Variants in EBF2 observed in about 807,000 individuals in gnomAD.
The protein encoded by EBF2 is EBF transcription factor 2, also known as transcription factor COE2.
A neutral mutation model predicts 72.8 loss-of-function variants in EBF2; 21 were observed. The observed-to-expected ratio is 0.29, with a 90% CI of 0.20 to 0.42. EBF2 has a LOEUF of 0.42. Ranked by LOEUF, EBF2 falls within the 10% of genes least tolerant of loss-of-function variation. The pLI, the probability that EBF2 is intolerant of heterozygous loss-of-function variation, is 1.00. For missense variants in EBF2, 637 were observed against 731.2 expected (o/e 0.87, Z 1.49); for synonymous variants, 299 against 274.2 (o/e 1.09, Z -0.89).
chr8:25,941,566 A>G (rs1359009945), intron 6 of EBF2, among the ~76,000 whole-genome samples: 1 of 152,136 alleles, frequency 6.6e-6, no homozygotes, highest in Non-Finnish European at 1.5e-5. Flanking sequence ...ATGGGATGAT[A>G]GTACCACAGA....
chr8:25,934,477 C>A (rs532322487), intron 6 of EBF2, among the ~76,000 whole-genome samples: 8 of 152,152 alleles, frequency 5.3e-5, no homozygotes, highest in Non-Finnish European at 7.3e-5. Context: ...CAAATTTTGT[C>A]TCTCCACCAG....
chr8:26,029,141 C>A (rs1359810427), intron 6 of EBF2, among the ~76,000 whole-genome samples: 2 of 151,976 alleles, frequency 1.3e-5, no homozygotes, highest in Admixed American at 6.6e-5. Context: ...ATTGTAAACT[C>A]CAATGGTTTT....
chr8:26,009,112 A>T (rs1480579182), intron 6 of EBF2, among the ~76,000 whole-genome samples: 1 of 3,262 alleles, frequency 3.1e-4, no homozygotes, highest in Admixed American at 5.2e-3. Context: ...AAAGCGAAAA[A>T]AAAAAAAAAA....
intron 10 of EBF2, among the ~76,000 whole-genome samples, chr8:25,885,886 C>A (rs578125436): frequency 3.3e-5 from 5 of 152,282 alleles, no homozygotes; most frequent in Non-Finnish European, 5.9e-5. Context: ...ACATGCCTAG[C>A]ACATGTAGGG....
At chr8:25,961,107 T>C (rs1804027203) in intron 6 of EBF2, among the ~76,000 whole-genome samples, 1 of 152,164 alleles carries the variant, frequency 6.6e-6, no homozygotes, top group South Asian at 2.1e-4. Context: ...ATTGCACATA[T>C]GCGTGAAAAA....
At chr8:25,956,341 G>A (rs989654099) in intron 6 of EBF2, among the ~76,000 whole-genome samples, 6 of 151,702 alleles carry the variant, frequency 4.0e-5, no homozygotes, top group African/African-American at 1.5e-4. Context: ...GGAGGTGGAG[G>A]TTGCAGTGAG....
chr8:25,947,037 A>G (rs118003143), intron 6 of EBF2, among the ~76,000 whole-genome samples: 1 of 152,272 alleles, frequency 6.6e-6, no homozygotes, highest in East Asian at 1.9e-4. Flanking sequence ...TGAATTACTG[A>G]TAATGGTCCC....
Position 25,928,782 on chromosome 8 carries a change from GAAAAA to G in EBF2, c.552-20232_552-20228del, listed in dbSNP as rs71551838. ...ATTAATAATAAAATGATTTTTAAAT[GAAAAA>G]AAAAAAAAAAAAAACCAGGGAAATG... On this transcript the variant is annotated intron_variant, in intron 6 of 15. Transcript: ENST00000520164. Among the ~76,000 whole-genome samples the G allele has an allele frequency of 2.6e-3, 282 of 110,374 alleles. 1 individual carries two copies. In the East Asian group the frequency reaches 0.027, roughly 10 times the overall value. 72.4% of individuals were successfully genotyped at this position (110,374 alleles called of 152,430 possible).
chr8:26,007,613 A>C (rs1043583100), intron 6 of EBF2, among the ~76,000 whole-genome samples: 2 of 152,170 alleles, frequency 1.3e-5, no homozygotes, highest in Non-Finnish European at 2.9e-5. Flanking sequence ...AATATGGAGA[A>C]GTCTAAAAGA....
intron 6 of EBF2, among the ~76,000 whole-genome samples, chr8:26,030,292 G>C (rs1268575344): frequency 2.6e-5 from 4 of 152,124 alleles, no homozygotes; most frequent in South Asian, 2.1e-4. Flanking sequence ...CTATGAGGGA[G>C]AACATGCAGT....
In EBF2 at chr8:25,887,981, A is replaced by G; in HGVS notation, c.752-9T>C. 2 of 1,598,876 alleles carry G rather than the reference A, an allele frequency of 1.3e-6. No individual in the cohort carries two copies. The highest frequency in any genetic ancestry group is 1.7e-6 in the Non-Finnish European group (2 of 1,173,770). ...TTTGATGCAGGGGGTAGCTAAGAAG[A>G]CAGGAAAGAAAAAGTCAGGTTTGTT... On this transcript the variant is annotated splice_polypyrimidine_tract_variant and intron_variant, in intron 8 of 15. Transcript: ENST00000520164.
At chr8:25,895,595 G>A (rs1029902094) in intron 7 of EBF2, among the ~76,000 whole-genome samples, 2 of 152,150 alleles carry the variant, frequency 1.3e-5, no homozygotes, top group African/African-American at 4.8e-5. Context: ...CAAGAAAACC[G>A]ATCGGCTTTC....
At chr8:25,981,529 A>T (rs1804360975) in intron 6 of EBF2, among the ~76,000 whole-genome samples, 1 of 152,084 alleles carries the variant, frequency 6.6e-6, no homozygotes. Context: ...GGAAGGCCCG[A>T]TGTGGTGGCT....
Position 25,850,645 on chromosome 8 carries a change from G to A in EBF2, c.1645C>T (p.Gln549Ter), listed in dbSNP as rs1474446502. 6.4e-7 allele frequency: 1 copy of A among 1,567,434 alleles called. No individual in the cohort carries two copies. The highest frequency in any genetic ancestry group is 2.1e-5 in the Admixed American group (1 of 47,370). Residue 549 changes from glutamine (Q) to a stop codon, truncating the protein, a stop_gained, in exon 15 of 16, where the codon CAA becomes TAA. Coordinates refer to ENST00000520164, the MANE Select transcript of EBF2 (RefSeq NM_022659.4). LOFTEE classifies it high-confidence loss of function. ...KSAFAPVIRP[Q>*]GSPSPACSSG... Reference sequence around the variant, plus strand: ...GAGCAGGCAGGTGAAGGGGAGCCTTGGGGCCTGATGACAGGGGCAAAGGCA... The same window carrying A: ...GAGCAGGCAGGTGAAGGGGAGCCTTAGGGCCTGATGACAGGGGCAAAGGCA...
chr8:25,845,893 T>G (rs1801822764), intron 15 of EBF2, among the ~76,000 whole-genome samples: 1 of 152,228 alleles, frequency 6.6e-6, no homozygotes, highest in Admixed American at 6.5e-5. Flanking sequence ...TGTTGCTTAC[T>G]AAGCTTCCAA....
chr8:26,009,609 C>G (rs1439217335), intron 6 of EBF2, among the ~76,000 whole-genome samples: 1 of 152,116 alleles, frequency 6.6e-6, no homozygotes, highest in Non-Finnish European at 1.5e-5. Flanking sequence ...TAAGAAATAC[C>G]GCCCGCAAAT....
rs956671233 is a variant in EBF2 at position 25,858,427 on chromosome 8, T to C, written c.1420A>G (p.Thr474Ala). ...SSTPQQSNYS[T>A]SSNSMNGYSN... ...TAGCCATTCATACTGTTGCTGGAGG[T>C]ACTGTAATTAGACTGTTGAGGCGTG... Residue 474 changes from threonine to alanine, a missense_variant, in exon 14 of 16, where the codon ACC becomes GCC. Around this residue, in one of 3 missense-constraint regions of EBF2, gnomAD observed 259 missense variants for 268.1 expected, o/e 0.97. Coordinates refer to ENST00000520164, the MANE Select transcript of EBF2 (RefSeq NM_022659.4). 1 of 1,614,068 alleles carries C rather than the reference T, an allele frequency of 6.2e-7. No homozygotes were observed. Among genetic ancestry groups the C allele is most frequent in the Non-Finnish European group, 8.5e-7 (1 of 1,180,014 alleles).
At chr8:25,866,689 TG>T (rs928250964) in intron 10 of EBF2, among the ~76,000 whole-genome samples, 19 of 147,050 alleles carry the variant, frequency 1.3e-4, no homozygotes, top group Non-Finnish European at 2.7e-4. Context: ...TGGAGTGCAA[TG>T]GCATGATCTT....
chr8:26,038,991 A>AAGAATTGGG (rs1805555776), intron 5 of EBF2, among the ~76,000 whole-genome samples: 1 of 152,208 alleles, frequency 6.6e-6, no homozygotes, highest in Non-Finnish European at 1.5e-5. Flanking sequence ...CCAAGTAAGG[A>AAGAATTGGG]AGAATTGAGA....
Sources: allele counts gnomAD v4.1 joint callset (sites outside exome capture counted in the v4.1 genomes callset), GRCh38; gene constraint gnomAD v4.1.1; regional missense constraint gnomAD v4.1.1; transcripts MANE v1.5; gene names NCBI Gene and HGNC (gene_info 2026-07-23, HGNC 2026-07-21).